Variants in TMCC2 observed in about 807,000 individuals in gnomAD.
TMCC2 encodes the protein transmembrane and coiled-coil domains protein 2.
In TMCC2, 16 loss-of-function variants were observed where a neutral mutation model predicts 49.4. The observed-to-expected ratio is 0.32, with a 90% confidence interval of 0.22 to 0.49. The LOEUF (loss-of-function observed/expected upper bound fraction) is 0.49. Ranked by LOEUF, TMCC2 falls within the 20% of genes least tolerant of loss-of-function variation. The pLI, the probability that TMCC2 is intolerant of heterozygous loss-of-function variation, is 0.99. For missense variants in TMCC2, 762 were observed against 989.8 expected (o/e 0.77, Z 3.09); for synonymous variants, 397 against 434.1 (o/e 0.91, Z 1.06).
intron 2 of TMCC2, among the ~76,000 whole-genome samples, chr1:205,267,514 T>C (rs529249367): frequency 1.3e-5 from 2 of 151,876 alleles, no homozygotes; most frequent in Non-Finnish European, 2.9e-5. Context: ...ATACATGGGG[T>C]TGAGCCATTT....
At chr1:205,257,234 C>G in intron 2 of TMCC2, 8 of 1,232,398 alleles carry the variant, frequency 6.5e-6, no homozygotes, top group Non-Finnish European at 7.1e-6. Context: ...GGAACTCAGG[C>G]ACACCTGCTC....
At chr1:205,240,834 T>G (rs576485339) in intron 1 of TMCC2, among the ~76,000 whole-genome samples, 1 of 152,340 alleles carries the variant, frequency 6.6e-6, no homozygotes, top group South Asian at 2.1e-4. Context: ...CCAGAAGCTC[T>G]CACCTTGCTT....
chr1:205,268,693 C>T (rs1220623747), intron 2 of TMCC2, among the ~76,000 whole-genome samples: 1 of 152,188 alleles, frequency 6.6e-6, no homozygotes, highest in Non-Finnish European at 1.5e-5. Context: ...CCCTGAACAA[C>T]TTGTTTGACC....
intron 2 of TMCC2, among the ~76,000 whole-genome samples, chr1:205,244,621 T>C (rs1392202426): frequency 1.3e-5 from 2 of 152,128 alleles, no homozygotes; most frequent in African/African-American, 4.8e-5. Flanking sequence ...TGCGATTTGT[T>C]TTCTCTCTAG....
At chr1:205,229,363 A>G (rs1381922918) in intron 1 of TMCC2, among the ~76,000 whole-genome samples, 1 of 151,354 alleles carries the variant, frequency 6.6e-6, no homozygotes, top group Non-Finnish European at 1.5e-5. Flanking sequence ...TAATTTTTGT[A>G]TTTTTAGTAG....
intron 2 of TMCC2, chr1:205,256,358 C>T (rs1159822135): frequency 6.4e-7 from 1 of 1,550,856 alleles, no homozygotes; most frequent in African/African-American, 1.4e-5. Flanking sequence ...CTCTGCTGGC[C>T]ACTCACAGAA....
chr1:205,241,335 G>T lies in TMCC2; in HGVS notation c.208-170G>T, dbSNP rs758562763. Among the ~76,000 whole-genome samples the T allele has an allele frequency of 2.0e-5, 3 of 152,094 alleles. No homozygotes were observed. Among genetic ancestry groups the T allele is most frequent in the Non-Finnish European group, 4.4e-5 (3 of 68,016 alleles). On this transcript the variant is annotated intron_variant, in intron 1 of 4. Coordinates refer to ENST00000358024, the MANE Select transcript of TMCC2 (RefSeq NM_014858.4). The surrounding 1 kb of genome is among the most constrained non-coding windows in gnomAD (Gnocchi z 7.3). ...GATGGGTCTGGGTTGCCACCTTTTC[G>T]CAAACTGACCCTTTATGCACGACGG...
chr1:205,241,383 G>C lies in TMCC2; in HGVS notation c.208-122G>C. The C allele has an allele frequency of 7.2e-6, 8 of 1,116,230 alleles. No individual in the cohort carries two copies. The highest frequency in any genetic ancestry group is 8.9e-6 in the Non-Finnish European group (7 of 787,588). 69.1% of individuals were successfully genotyped at this position (1,116,230 alleles called of 1,614,324 possible). ...CGGGCCATCCACAGAGATCTTCCAGGTTCAGATGGCTGCATTAGCTATGCC... is the reference window on the plus strand; with the variant it reads ...CGGGCCATCCACAGAGATCTTCCAGCTTCAGATGGCTGCATTAGCTATGCC... On this transcript the variant is annotated intron_variant, in intron 1 of 4. Coordinates refer to ENST00000358024, the MANE Select transcript of TMCC2 (RefSeq NM_014858.4). This position sits in a 1 kb window ranked among gnomAD's most constrained non-coding sequence, Gnocchi z 7.3.
chr1:205,266,039 C>T (rs1477177312), intron 2 of TMCC2, among the ~76,000 whole-genome samples: 4 of 139,254 alleles, frequency 2.9e-5, no homozygotes, highest in East Asian at 2.3e-4. Flanking sequence ...CAGGAGATCG[C>T]GACCATCCTG....
intron 1 of TMCC2, among the ~76,000 whole-genome samples, chr1:205,240,647 A>C (rs993645622): frequency 1.3e-5 from 2 of 152,132 alleles, no homozygotes; most frequent in Non-Finnish European, 2.9e-5. Context: ...GGCTCCATAG[A>C]CCTTCAAGTT....
At position 205,241,735 on chromosome 1, in the gene TMCC2, C is replaced by T. The variant is rs3795557; in HGVS notation, c.438C>T (p.Thr146=). 107 of 1,613,154 alleles carry T rather than the reference C, an allele frequency of 6.6e-5. No individual in the cohort carries two copies. In the African/African-American group the frequency reaches 8.1e-4, roughly 12 times the overall value. ...TGCACGACCTGCCCGCCCGGCCCAC[C>T]GCCTTCAACCGCGTGCTGCAGCAGA... ...MSLHDLPARP[T]AFNRVLQQIR... The change falls in exon 2 of 5, where the codon ACC becomes ACT. Residue 146 remains threonine (T), a synonymous_variant. Transcript: ENST00000358024. This position sits in a 1 kb window ranked among gnomAD's most constrained non-coding sequence, Gnocchi z 7.3.
intron 1 of TMCC2, chr1:205,229,547 G>GC (rs2102512594): frequency 9.5e-6 from 1 of 105,014 alleles, no homozygotes; most frequent in Non-Finnish European, 1.4e-5. Context: ...TGAAGGGGCG[G>GC]GGGGGGGGGG....
intron 2 of TMCC2, among the ~76,000 whole-genome samples, chr1:205,243,896 G>A (rs1172140): frequency 0.49 from 74,688 of 152,072 alleles, 20,484 homozygotes; most frequent in Non-Finnish European, 0.61. Flanking sequence ...GACAGACCCA[G>A]CTGACATGTA....
intron 2 of TMCC2, among the ~76,000 whole-genome samples, chr1:205,254,324 G>A (rs934371380): frequency 2.0e-5 from 3 of 152,266 alleles, no homozygotes; most frequent in Non-Finnish European, 4.4e-5. Flanking sequence ...CAGTCTCAGC[G>A]CCTACAGTGA....
At position 205,272,019 on chromosome 1, in the gene TMCC2, C is replaced by G. The variant is rs1374627342; in HGVS notation, c.2025C>G (p.Arg675=). Reference sequence around the variant, plus strand: ...TCATCACGCCCCTCATGAAGACACGCCTGCGCATCACCAGCACCACCCTCC... The same window carrying G: ...TCATCACGCCCCTCATGAAGACACGGCTGCGCATCACCAGCACCACCCTCC... ...ANFITPLMKT[R]LRITSTTLLV... The change falls in exon 5 of 5, where the codon CGC becomes CGG. Residue 675 remains arginine, a synonymous_variant. Coordinates refer to ENST00000358024, the MANE Select transcript of TMCC2 (RefSeq NM_014858.4). 2 of 1,614,230 alleles carry G rather than the reference C, an allele frequency of 1.2e-6. No homozygotes were observed. Among genetic ancestry groups the G allele is most frequent in the South Asian group, 1.1e-5 (1 of 91,088 alleles).
intron 2 of TMCC2, among the ~76,000 whole-genome samples, chr1:205,260,174 C>G (rs1661047884): frequency 6.6e-6 from 1 of 152,158 alleles, no homozygotes. Flanking sequence ...AGTGGCCAGC[C>G]TATCTCAGGC....
At chr1:205,239,572 C>T (rs1483637477) in intron 1 of TMCC2, among the ~76,000 whole-genome samples, 1 of 152,180 alleles carries the variant, frequency 6.6e-6, no homozygotes, top group African/African-American at 2.4e-5. Flanking sequence ...TTCCTCTTCT[C>T]TAAATGGAGA....
Position 205,239,248 on chromosome 1 carries a change from G to A in TMCC2, c.208-2257G>A, listed in dbSNP as rs192921097. On this transcript the variant is annotated intron_variant, in intron 1 of 4. Coordinates refer to ENST00000358024, the MANE Select transcript of TMCC2 (RefSeq NM_014858.4). Reference sequence around the variant, plus strand: ...TGTGACGATTTGGCAGAGGCAGCTGGGCAAATGCCAGAGCCAGCTGGCCCC... The same window carrying A: ...TGTGACGATTTGGCAGAGGCAGCTGAGCAAATGCCAGAGCCAGCTGGCCCC... 1.0e-3 allele frequency among the ~76,000 whole-genome samples: 153 copies of A among 152,354 alleles called. No individual in the cohort carries two copies. In the Middle Eastern group the frequency reaches 0.037, roughly 37 times the overall value.
At chr1:205,271,481 A>ATGGTGGCCTCTGCCCT in intron 4 of TMCC2, 1 of 714,058 alleles carries the variant, frequency 1.4e-6, no homozygotes, top group Non-Finnish European at 2.3e-6. Flanking sequence ...CCCACAGGGC[A>ATGGTGGCCTCTGCCCT]GAGGCCACCA....
Sources: allele counts gnomAD v4.1 joint callset (sites outside exome capture counted in the v4.1 genomes callset), GRCh38; gene constraint gnomAD v4.1.1; non-coding constraint Gnocchi (gnomAD v3.1); transcripts MANE v1.5; gene names NCBI Gene and HGNC (gene_info 2026-07-23, HGNC 2026-07-21).